The following PIP5K1B variants were observed in gnomAD, a reference collection of about 807,000 sequenced individuals.
The protein encoded by PIP5K1B is phosphatidylinositol 4-phosphate 5-kinase type-1 beta.
In PIP5K1B, 42 loss-of-function variants were observed where a neutral mutation model predicts 67.0. The ratio of observed to expected loss-of-function variants is 0.63; its 90% CI spans 0.49 to 0.81. The LOEUF (loss-of-function observed/expected upper bound fraction) is 0.81. Ranked by LOEUF, PIP5K1B falls within the 30% of genes least tolerant of loss-of-function variation. The pLI, the probability that PIP5K1B is intolerant of heterozygous loss-of-function variation, is 0.00. For missense variants in PIP5K1B, 459 were observed against 646.3 expected (o/e 0.71, Z 3.14); for synonymous variants, 214 against 231.4 (o/e 0.92, Z 0.68).
intron 1 of PIP5K1B, among the ~76,000 whole-genome samples, chr9:68,713,374 G>T (rs763698488): frequency 5.3e-5 from 8 of 152,178 alleles, no homozygotes; most frequent in Non-Finnish European, 4.4e-5. Context: ...ACTCCAGCCT[G>T]GGTGACAAGA....
In PIP5K1B at chr9:68,925,797, T is replaced by TTTTTTTTTTTC. The variant is rs1221687037; in HGVS notation, c.1201+2421_1201+2422insCTTTTTTTTTT. Among the ~76,000 whole-genome samples the TTTTTTTTTTTC allele has an allele frequency of 1.1e-4, 11 of 103,730 alleles. 1 individual carries two copies. The highest frequency in any genetic ancestry group is 1.3e-4 in the Non-Finnish European group (6 of 46,180). The allele number at this position is 103,730 out of a possible 152,430, so 68.1% of individuals were successfully genotyped here. On this transcript the variant is annotated intron_variant, in intron 12 of 15. Transcript: ENST00000265382. ...ATGAATACCAGCTTGTGGTTCCAAT[T>TTTTTTTTTTTC]TTTTTTTTTTTTTTTTTTGAGACAG... is the stretch of plus-strand genomic sequence containing the variant.
chr9:68,984,648 T>A lies in PIP5K1B; in HGVS notation c.1503-6492T>A, dbSNP rs552044990. ...AAGTAGCATTATTTTCATTGTTCAA[T>A]CTTAATATCCATTGTTTTAAATATG... On this transcript the variant is annotated intron_variant, in intron 14 of 15. Transcript: ENST00000265382. 5.3e-5 allele frequency among the ~76,000 whole-genome samples: 8 copies of A among 152,348 alleles called. No individual in the cohort carries two copies. The South Asian group carries it at 1.7e-3, about 32-fold the overall frequency.
intron 14 of PIP5K1B, among the ~76,000 whole-genome samples, chr9:68,956,113 C>CT (rs907702306): frequency 5.3e-5 from 8 of 152,152 alleles, no homozygotes; most frequent in African/African-American, 1.4e-4. Context: ...TAAAATGAAA[C>CT]TTTTTTCCCT....
At chr9:68,978,058 A>G (rs1829714867) in intron 14 of PIP5K1B, among the ~76,000 whole-genome samples, 1 of 152,180 alleles carries the variant, frequency 6.6e-6, no homozygotes, top group Admixed American at 6.5e-5. Flanking sequence ...AAAATTATAT[A>G]TATTTAAGGT....
chr9:68,731,957 G>T (rs528235176), intron 1 of PIP5K1B, among the ~76,000 whole-genome samples: 11 of 152,168 alleles, frequency 7.2e-5, no homozygotes, highest in African/African-American at 2.7e-4. Context: ...TAATGTTTGT[G>T]GAAGGAGGTG....
At chr9:68,952,362 C>T (rs1467082754) in intron 14 of PIP5K1B, among the ~76,000 whole-genome samples, 1 of 152,158 alleles carries the variant, frequency 6.6e-6, no homozygotes, top group African/African-American at 2.4e-5. Context: ...ACTGGTTGCC[C>T]TCTAGGACCT....
chr9:68,808,024 C>T (rs1206914176), intron 2 of PIP5K1B, among the ~76,000 whole-genome samples: 3 of 152,070 alleles, frequency 2.0e-5, no homozygotes, highest in African/African-American at 4.8e-5. Context: ...ATGGCAAAAC[C>T]CTGTCTGTAC....
chr9:68,812,025 T>C (rs1833194672), intron 2 of PIP5K1B, among the ~76,000 whole-genome samples: 2 of 152,178 alleles, frequency 1.3e-5, no homozygotes, highest in African/African-American at 4.8e-5. Flanking sequence ...ATTTAGAGAA[T>C]GGCAAAGCCA....
At chr9:68,711,945 C>T (rs915894491) in intron 1 of PIP5K1B, among the ~76,000 whole-genome samples, 1 of 152,194 alleles carries the variant, frequency 6.6e-6, no homozygotes, top group African/African-American at 2.4e-5. Context: ...CTTTTCTGTT[C>T]TTCCAACCTA....
intron 2 of PIP5K1B, among the ~76,000 whole-genome samples, chr9:68,755,319 G>C (rs1286165713): frequency 6.6e-6 from 1 of 152,188 alleles, no homozygotes; most frequent in Non-Finnish European, 1.5e-5. Context: ...ATGGCACCTT[G>C]AAAGCACATT....
intron 5 of PIP5K1B, among the ~76,000 whole-genome samples, chr9:68,873,281 C>CTTTTTTTTTTT (rs772335388): frequency 2.1e-4 from 19 of 90,632 alleles, no homozygotes; most frequent in Non-Finnish European, 3.4e-4. Flanking sequence ...ACTTTCTGAT[C>CTTTTTTTTTTT]TTTTTTTTTT....
chr9:68,971,461 G>A (rs906241301), intron 14 of PIP5K1B, among the ~76,000 whole-genome samples: 1 of 152,120 alleles, frequency 6.6e-6, no homozygotes, highest in Non-Finnish European at 1.5e-5. Flanking sequence ...ACATACTTGT[G>A]CGTGTGTCTT....
chr9:68,744,571 C>T (rs1385948735), intron 2 of PIP5K1B, among the ~76,000 whole-genome samples: 2 of 152,270 alleles, frequency 1.3e-5, no homozygotes, highest in East Asian at 3.9e-4. Context: ...GGAGAGGGGG[C>T]TGTGGTTGGA....
chr9:68,991,942 C>T (rs565981919), intron 15 of PIP5K1B, among the ~76,000 whole-genome samples: 23 of 152,002 alleles, frequency 1.5e-4, no homozygotes, highest in African/African-American at 3.6e-4. Context: ...ATGTATGCTA[C>T]GTCTTTGTAT....
chr9:68,952,806 TCTGC>T (rs199807963), intron 14 of PIP5K1B, among the ~76,000 whole-genome samples: 9,500 of 151,500 alleles, frequency 0.063, 642 homozygotes, highest in African/African-American at 0.16. Flanking sequence ...TGTCTGCCTG[TCTGC>T]CTGCCTGCCT....
chr9:68,847,284 A>G (rs1431389791), intron 4 of PIP5K1B, among the ~76,000 whole-genome samples: 1 of 151,476 alleles, frequency 6.6e-6, no homozygotes, highest in African/African-American at 2.4e-5. Flanking sequence ...GCGGTAAAAG[A>G]TAACAACCAG....
At chr9:68,848,294 C>G (rs1362934706) in intron 4 of PIP5K1B, among the ~76,000 whole-genome samples, 1 of 152,168 alleles carries the variant, frequency 6.6e-6, no homozygotes, top group Non-Finnish European at 1.5e-5. Context: ...CTAAAGATAC[C>G]TGATCATTTC....
intron 8 of PIP5K1B, among the ~76,000 whole-genome samples, chr9:68,899,049 G>A (rs1489714658): frequency 6.6e-6 from 1 of 152,148 alleles, no homozygotes. Context: ...CTCCAGATGC[G>A]TTCTTCAGCT....
chr9:68,851,610 T>C (rs1017808000), intron 4 of PIP5K1B, among the ~76,000 whole-genome samples: 12 of 152,068 alleles, frequency 7.9e-5, no homozygotes, highest in African/African-American at 2.7e-4. Flanking sequence ...AGAGGCATGA[T>C]TGGTAAAGCT....
Sources: allele counts gnomAD v4.1 joint callset (sites outside exome capture counted in the v4.1 genomes callset), GRCh38; gene constraint gnomAD v4.1.1; transcripts MANE v1.5; gene names NCBI Gene and HGNC (gene_info 2026-07-23, HGNC 2026-07-21).